Variants in MYBPC2 observed in about 807,000 individuals in gnomAD.
The protein encoded by MYBPC2 is myosin binding protein C2, also known as myosin-binding protein C, fast-type.
Under a neutral mutation model 137.0 loss-of-function variants are expected in MYBPC2, and 122 were observed. That is an observed-to-expected ratio of 0.89 (90% CI 0.77 to 1.03). The LOEUF (loss-of-function observed/expected upper bound fraction) is 1.03. MYBPC2 is among the 50% of genes least tolerant of loss of function. MYBPC2 has a pLI of 0.00. For missense variants in MYBPC2, 1,500 were observed against 1,534.4 expected (o/e 0.98, Z 0.37); for synonymous variants, 626 against 612.3 (o/e 1.02, Z -0.33).
In MYBPC2 at chr19:50,448,262, G is replaced by A. The variant is rs2039823786; in HGVS notation, c.1344G>A (p.Leu448=). ...AGGTCCTGCAGGACATCGCGGATCT[G>A]ACGGTGAAGGCCTCAGAACAAGCTG... The part of the protein sequence containing the change: ...QLEVLQDIAD[L]TVKASEQAVF... The change falls in exon 13 of 28, where the codon CTG becomes CTA. Residue 448 remains leucine, a synonymous_variant. Coordinates refer to ENST00000357701, the MANE Select transcript of MYBPC2 (RefSeq NM_004533.4). 8 of 1,613,842 alleles carry A rather than the reference G, an allele frequency of 5.0e-6. No homozygotes were observed. The highest frequency in any genetic ancestry group is 6.8e-6 in the Non-Finnish European group (8 of 1,179,776).
At chr19:50,449,481 G>A (rs1033366241) in intron 13 of MYBPC2, among the ~76,000 whole-genome samples, 9 of 152,238 alleles carry the variant, frequency 5.9e-5, no homozygotes, top group African/African-American at 2.2e-4. Context: ...CTGGAAACTG[G>A]CCCAATGCCA....
intron 26 of MYBPC2, among the ~76,000 whole-genome samples, chr19:50,462,721 C>G (rs146844164): frequency 6.6e-6 from 1 of 152,048 alleles, no homozygotes; most frequent in African/African-American, 2.4e-5. Flanking sequence ...GGATTACAGG[C>G]GTGCACCACC....
At chr19:50,454,418 CTGT>C (rs781609854) in intron 18 of MYBPC2, 49 bp downstream of exon 18, 43,081 of 786,730 alleles carry the variant, frequency 0.055, 395 homozygotes, top group Admixed American at 0.091. Flanking sequence ...TTTCTGCCTT[CTGT>C]TTTTTTTTTT....
At position 50,461,813 on chromosome 19, in the gene MYBPC2, G is replaced by C. The variant is rs1375075964; in HGVS notation, c.3092-87G>C. The C allele has an allele frequency of 2.5e-6, 4 of 1,580,200 alleles. No individual in the cohort carries two copies. The African/African-American group carries it at 5.4e-5, about 21-fold the overall frequency. On this transcript the variant is annotated intron_variant, in intron 25 of 27. Transcript: ENST00000357701. The stretch of plus-strand genomic sequence containing the variant: ...CTGGGGTTGACGGCACCTAGTCATG[G>C]GAGAGAGGTGATTGCGGTTTGTTCC...
At position 50,436,744 on chromosome 19, in the gene MYBPC2, T is replaced by C. The variant is rs1285303870; in HGVS notation, c.463+10T>C. ...AACATCGATGTGGAGGGTATGCTGG[T>C]GGGGGATGCGGGAGCAAAGGGTTCT... On this transcript the variant is annotated intron_variant, in intron 5 of 27. Coordinates refer to ENST00000357701, the MANE Select transcript of MYBPC2 (RefSeq NM_004533.4). 2 of 1,611,844 alleles carry C rather than the reference T, an allele frequency of 1.2e-6. No homozygotes were observed. Among genetic ancestry groups the C allele is most frequent in the Admixed American group, 1.7e-5 (1 of 59,922 alleles).
In MYBPC2 at chr19:50,455,234, T is replaced by C; in HGVS notation, c.2141T>C (p.Phe714Ser). 6.2e-7 allele frequency: 1 copy of C among 1,613,924 alleles called. No individual in the cohort carries two copies. The highest frequency in any genetic ancestry group is 1.1e-5 in the South Asian group (1 of 91,062). The change falls in exon 19 of 28, where the codon TTC becomes TCC. Residue 714 changes from phenylalanine to serine, a missense_variant. By Grantham distance (155) the Phe-to-Ser change is radical. Coordinates refer to ENST00000357701, the MANE Select transcript of MYBPC2 (RefSeq NM_004533.4). The stretch of plus-strand genomic sequence containing the variant: ...GGCATCCTCTATGAGATGCGTGTCT[T>C]CGCCGTCAATGCTATAGGGGTCTCC... The part of the protein sequence containing the change: ...IEGILYEMRV[F>S]AVNAIGVSQP...
intron 22 of MYBPC2, 48 bp downstream of exon 22, chr19:50,459,054 C>A (rs2039942638): frequency 6.4e-7 from 1 of 1,564,912 alleles, no homozygotes; most frequent in South Asian, 1.2e-5. Flanking sequence ...CGCCGCAAGC[C>A]CCCTTTTTGC....
At chr19:50,462,069 G>C in intron 26 of MYBPC2, 33 bp downstream of exon 26, 1 of 1,553,368 alleles carries the variant, frequency 6.4e-7, no homozygotes, top group Non-Finnish European at 8.7e-7. Flanking sequence ...CTGCGTGTGT[G>C]TTGCCTTGTG....
chr19:50,435,993 T>C lies in MYBPC2; in HGVS notation c.197-19T>C. 1 of 1,568,986 alleles carries C rather than the reference T, an allele frequency of 6.4e-7. No individual in the cohort carries two copies. The highest frequency in any genetic ancestry group is 1.9e-5 in the Admixed American group (1 of 53,052). ...TCCTGGGCCTCCTCCCACTCTACCC[T>C]GTCACTCACCCCATGTAGGGAAGGA... On this transcript the variant is annotated intron_variant, in intron 3 of 27. Transcript: ENST00000357701. The surrounding 1 kb of genome is among the most constrained non-coding windows in gnomAD (Gnocchi z 4.8).
At chr19:50,437,585 A>G in intron 6 of MYBPC2, 64 bp downstream of exon 6, 2 of 1,589,232 alleles carry the variant, frequency 1.3e-6, no homozygotes, top group Middle Eastern at 3.3e-4. Flanking sequence ...TTGGAAGGGG[A>G]AAAAGGGAGG....
intron 16 of MYBPC2, among the ~76,000 whole-genome samples, chr19:50,453,142 C>T (rs1276693494): frequency 6.6e-6 from 1 of 152,170 alleles, no homozygotes; most frequent in East Asian, 1.9e-4. Flanking sequence ...AAATTTGAGA[C>T]AGGGTTTCAC....
intron 7 of MYBPC2, among the ~76,000 whole-genome samples, chr19:50,438,298 T>C (rs1270681219): frequency 6.6e-6 from 1 of 151,998 alleles, no homozygotes; most frequent in African/African-American, 2.4e-5. Flanking sequence ...AACGGGTGAA[T>C]GGGATGTTGG....
Position 50,437,721 on chromosome 19 carries a change from G to A in MYBPC2, c.572+3G>A, listed in dbSNP as rs766731410. 4 of 1,600,836 alleles carry A rather than the reference G, an allele frequency of 2.5e-6. No individual in the cohort carries two copies. The highest frequency in any genetic ancestry group is 3.4e-6 in the Non-Finnish European group (4 of 1,173,698). On this transcript the variant is annotated splice_donor_region_variant and intron_variant, in intron 7 of 27. Transcript: ENST00000357701. ...TTCAGTGGCCTGTTGAAGAAGAGGT[G>A]AGCCCCGGACTTGGCACAGAGAGGG...
intron 20 of MYBPC2, among the ~76,000 whole-genome samples, chr19:50,457,739 G>A (rs993470490): frequency 5.4e-5 from 8 of 149,040 alleles, no homozygotes; most frequent in African/African-American, 2.0e-4. Flanking sequence ...GAATGCAGTG[G>A]GGTGATCTCG....
intron 12 of MYBPC2, among the ~76,000 whole-genome samples, chr19:50,446,538 A>G (rs1336469256): frequency 1.4e-5 from 2 of 145,120 alleles, no homozygotes; most frequent in African/African-American, 5.1e-5. Context: ...ACAAAAACAA[A>G]CCTGGGCGCG....
intron 20 of MYBPC2, among the ~76,000 whole-genome samples, chr19:50,456,229 TCATCCATCCATCCATC>T (rs143679406): frequency 3.1e-4 from 45 of 144,944 alleles, no homozygotes; most frequent in African/African-American, 4.4e-4. Flanking sequence ...TTCCATCTAT[TCATCCATCCATCCATC>T]CATCCATCCA....
rs186215862 is a variant in MYBPC2, at chr19:50,464,918, C to T, written c.3415+386C>T. On this transcript the variant is annotated intron_variant, in intron 27 of 27. Coordinates refer to ENST00000357701, the MANE Select transcript of MYBPC2 (RefSeq NM_004533.4). ...GGGGTGGCGGGAGCTCCCAAGAGTG[C>T]CTCCCTCCATAGCCTGTCCCCATGC... Among the ~76,000 whole-genome samples, 922 of 152,002 alleles carry T rather than the reference C, an allele frequency of 6.1e-3. 10 individuals are homozygous for T. Among genetic ancestry groups the T allele is most frequent in the Non-Finnish European group, 0.01 (693 of 67,954 alleles).
At chr19:50,458,563 C>T (rs374141673) in intron 20 of MYBPC2, 24 bp from the exon 21 acceptor site, 213 of 1,607,304 alleles carry the variant, frequency 1.3e-4, no homozygotes, top group Admixed American at 3.5e-4. Flanking sequence ...GCACGAGATC[C>T]GCCAGCAGGG....
rs926618913 is a variant in MYBPC2, at chr19:50,465,615, G to T, written c.3416-580G>T. On this transcript the variant is annotated intron_variant, in intron 27 of 27. Transcript: ENST00000357701. The surrounding 1 kb of genome is among the most constrained non-coding windows in gnomAD (Gnocchi z 4.5). ...CCAGCACATTGGGAGGCCAAGGCAG[G>T]CGAGTTGCTTGAGCCCAGGAGTTCA... Among the ~76,000 whole-genome samples, 1 of 152,196 alleles carries T rather than the reference G, an allele frequency of 6.6e-6. No homozygotes were observed. The highest frequency in any genetic ancestry group is 1.5e-5 in the Non-Finnish European group (1 of 68,038).
Sources: gnomAD v4.1 joint callset for allele counts (sites outside exome capture counted in the v4.1 genomes callset) on GRCh38, gnomAD v4.1.1 for gene constraint, Gnocchi (gnomAD v3.1) non-coding constraint, MANE v1.5 for transcripts, NCBI Gene and HGNC (gene_info 2026-07-23, HGNC 2026-07-21) for gene names.